Variants in CLASP1 observed in about 807,000 individuals in gnomAD.
CLASP1 encodes the protein CLIP-associating protein 1.
A neutral mutation model predicts 192.3 loss-of-function variants in CLASP1; 38 were observed. The ratio of observed to expected loss-of-function variants is 0.20; its 90% CI spans 0.15 to 0.26. The LOEUF is 0.26. CLASP1 is among the 10% of genes least tolerant of loss of function. The probability of loss-of-function intolerance (pLI) is 1.00; values close to 1 mark genes in which losing one functional copy is unlikely to be tolerated. For synonymous variants in CLASP1, 691 were observed against 712.8 expected (o/e 0.97, Z 0.49); for missense variants, 1,433 against 1,932.5 (o/e 0.74, Z 4.85).
At chr2:121,473,385 A>C (rs1023324855) in intron 8 of CLASP1, among the ~76,000 whole-genome samples, 11 of 152,176 alleles carry the variant, frequency 7.2e-5, no homozygotes, top group African/African-American at 2.4e-4. Flanking sequence ...AGGGAACTTA[A>C]ACATATAGCA....
At position 121,387,137 on chromosome 2, in the gene CLASP1, C is replaced by T. The variant is rs769486803; in HGVS notation, c.3359G>A (p.Gly1120Glu). The change falls in exon 32 of 40, where the codon GGG (glycine) becomes GAG (glutamate). Residue 1120 changes from glycine to glutamate, a missense_variant. Gly to Glu is a moderately conservative substitution (Grantham distance 98). This residue lies in a region of CLASP1 where 336 missense variants were observed against 358.0 expected (regional missense o/e 0.94). Coordinates refer to ENST00000263710, the Ensembl canonical transcript of CLASP1. ...GTGACCTTACCTTGGAGACAGACCC[C>T]CATGGGAACAGTTGGTGGGTGAGGT... 113 of 1,613,498 alleles carry T rather than the reference C, an allele frequency of 7.0e-5. No individual in the cohort carries two copies. The highest frequency in any genetic ancestry group is 8.6e-5 in the Non-Finnish European group (102 of 1,179,760).
At chr2:121,522,896 G>A (rs1359097806) in intron 6 of CLASP1, among the ~76,000 whole-genome samples, 1 of 152,240 alleles carries the variant, frequency 6.6e-6, no homozygotes, top group Non-Finnish European at 1.5e-5. Flanking sequence ...CATGGTAGGT[G>A]CATGATTTCT....
At chr2:121,414,007 T>C (rs1351921775) in intron 23 of CLASP1, among the ~76,000 whole-genome samples, 134 bp downstream of exon 24, 1 of 152,092 alleles carries the variant, frequency 6.6e-6, no homozygotes, top group East Asian at 1.9e-4. Flanking sequence ...TTAAAAAAAT[T>C]AAAGCACATT....
chr2:121,351,636 C>T (rs1311071005), intron 37 of CLASP1, among the ~76,000 whole-genome samples: 1 of 152,170 alleles, frequency 6.6e-6, no homozygotes, highest in Non-Finnish European at 1.5e-5. Context: ...GAAATAAGAT[C>T]ACCACATCCA....
chr2:121,535,435 G>A (rs2095038091), intron 2 of CLASP1, among the ~76,000 whole-genome samples: 1 of 152,112 alleles, frequency 6.6e-6, no homozygotes, highest in South Asian at 2.1e-4. Context: ...CAATGCATGG[G>A]CTCTTTTTCC....
At chr2:121,398,878 C>T (rs1304756807) in intron 28 of CLASP1, among the ~76,000 whole-genome samples, 1 of 152,188 alleles carries the variant, frequency 6.6e-6, no homozygotes, top group Non-Finnish European at 1.5e-5. Context: ...CAGAAGAATG[C>T]CTGTGAGATG....
intron 18 of CLASP1, among the ~76,000 whole-genome samples, chr2:121,447,778 T>C (rs185641968): frequency 1.3e-5 from 2 of 152,304 alleles, no homozygotes; most frequent in East Asian, 3.9e-4. Context: ...TGGACCATGT[T>C]TCTGCTTACT....
At position 121,455,755 on chromosome 2, in the gene CLASP1, G is replaced by T. The variant is rs141972808; in HGVS notation, c.1385+1932C>A. Among the ~76,000 whole-genome samples the T allele has an allele frequency of 5.0e-3, 758 of 152,266 alleles. 2 individuals carry two copies. The highest frequency in any genetic ancestry group is 8.5e-3 in the Non-Finnish European group (579 of 68,024). The stretch of plus-strand genomic sequence containing the variant: ...CGGACGCCTATGGTCTCAGCTACTT[G>T]GGAGACTGAGGCGGGAGGATCACTT... On this transcript the variant is annotated intron_variant, in intron 14 of 39. Transcript: ENST00000263710.
chr2:121,568,661 A>G (rs1411573911), intron 2 of CLASP1, among the ~76,000 whole-genome samples: 1 of 151,854 alleles, frequency 6.6e-6, no homozygotes, highest in South Asian at 2.1e-4. Context: ...TGTACTAGAT[A>G]TTTCAATTAT....
intron 6 of CLASP1, among the ~76,000 whole-genome samples, chr2:121,517,892 A>AG (rs2094352106): frequency 1.4e-5 from 1 of 69,244 alleles, no homozygotes; most frequent in East Asian, 4.3e-4. Context: ...TTTTTTTTTT[A>AG]GAAAAAGGAG....
chr2:121,514,014 T>C (rs1484946678), intron 7 of CLASP1, among the ~76,000 whole-genome samples: 1 of 152,168 alleles, frequency 6.6e-6, no homozygotes, highest in African/African-American at 2.4e-5. Context: ...CCTCCCCAAA[T>C]CCACATTTCT....
At chr2:121,454,789 G>A (rs147649723) in intron 14 of CLASP1, among the ~76,000 whole-genome samples, 5 of 152,240 alleles carry the variant, frequency 3.3e-5, no homozygotes, top group South Asian at 2.1e-4. Flanking sequence ...TTTGCCTTAC[G>A]CAAGGAAAAA....
intron 28 of CLASP1, among the ~76,000 whole-genome samples, chr2:121,399,032 G>A (rs2075753237): frequency 6.6e-6 from 1 of 152,264 alleles, no homozygotes; most frequent in East Asian, 1.9e-4. Context: ...TTGCACAATG[G>A]GGCCCACGTG....
intron 37 of CLASP1, among the ~76,000 whole-genome samples, chr2:121,359,472 G>A (rs1425825282): frequency 6.6e-6 from 1 of 152,166 alleles, no homozygotes; most frequent in Admixed American, 6.5e-5. Context: ...CACCAAAGGA[G>A]AGGTTCTGTA....
chr2:121,458,416 T>C (rs2087144085), intron 13 of CLASP1, among the ~76,000 whole-genome samples: 1 of 152,236 alleles, frequency 6.6e-6, no homozygotes, highest in Non-Finnish European at 1.5e-5. Flanking sequence ...GAGAACATTT[T>C]GTTTCGTGCT....
In CLASP1 at chr2:121,392,941, G is replaced by A. The variant is rs951242300; in HGVS notation, c.3123+4199C>T. Among the ~76,000 whole-genome samples the A allele has an allele frequency of 5.3e-5, 8 of 152,248 alleles. No homozygotes were observed. In the East Asian group the frequency reaches 7.7e-4, roughly 15 times the overall value. On this transcript the variant is annotated intron_variant, in intron 30 of 39. Coordinates refer to ENST00000263710, the Ensembl canonical transcript of CLASP1. ...CACCTCACTCACTGGTGATTCGTTC[G>A]TGTTTTGATTTTAAAAACACCTTAA...
At chr2:121,448,678 T>C (rs2084846401) in intron 17 of CLASP1, among the ~76,000 whole-genome samples, 1 of 152,184 alleles carries the variant, frequency 6.6e-6, no homozygotes, top group Non-Finnish European at 1.5e-5. Flanking sequence ...CTGGTGTGTA[T>C]AGTTCACACT....
chr2:121,517,555 T>A (rs1472181840), intron 6 of CLASP1, among the ~76,000 whole-genome samples: 1 of 152,096 alleles, frequency 6.6e-6, no homozygotes, highest in African/African-American at 2.4e-5. Flanking sequence ...AGATAGGGCC[T>A]ATAAGGATGC....
At chr2:121,523,095 T>C (rs1220133713) in intron 6 of CLASP1, among the ~76,000 whole-genome samples, 2 of 152,228 alleles carry the variant, frequency 1.3e-5, no homozygotes, top group Admixed American at 1.3e-4. Flanking sequence ...AGGCTCAAGA[T>C]GCAAGTGACC....
Sources: allele counts gnomAD v4.1 joint callset (sites outside exome capture counted in the v4.1 genomes callset), GRCh38; gene constraint gnomAD v4.1.1; regional missense constraint gnomAD v4.1.1; transcripts MANE v1.5; gene names NCBI Gene and HGNC (gene_info 2026-07-23, HGNC 2026-07-21).